The following GRIK4 variants were observed in gnomAD, a reference collection of about 807,000 sequenced individuals.
GRIK4 encodes the protein glutamate ionotropic receptor kainate type subunit 4, also known as glutamate receptor ionotropic, kainate 4.
Under a neutral mutation model 104.9 loss-of-function variants are expected in GRIK4, and 40 were observed. The ratio of observed to expected loss-of-function variants is 0.38; its 90% confidence interval spans 0.30 to 0.50. The LOEUF (loss-of-function observed/expected upper bound fraction) is 0.50, where lower values mean the gene tolerates loss of function less well. GRIK4 is among the 20% of genes least tolerant of loss of function. GRIK4 has a pLI of 0.93. For synonymous variants in GRIK4, 485 were observed against 524.9 expected (o/e 0.92, Z 1.04); for missense variants, 1,047 against 1,308.1 (o/e 0.80, Z 3.08).
intron 3 of GRIK4, among the ~76,000 whole-genome samples, chr11:120,797,427 CTTCA>C (rs1225130263): frequency 6.6e-6 from 1 of 152,208 alleles, no homozygotes; most frequent in Non-Finnish European, 1.5e-5. Context: ...AGCTGCTCTC[CTTCA>C]TTCATCTGGT....
chr11:120,663,114 G>T (rs1404302316), intron 3 of GRIK4, among the ~76,000 whole-genome samples: 1 of 152,180 alleles, frequency 6.6e-6, no homozygotes, highest in Non-Finnish European at 1.5e-5. Flanking sequence ...CTGAAAATGT[G>T]TTTGGATTTT....
At chr11:120,621,784 C>T (rs188308289) in intron 1 of GRIK4, among the ~76,000 whole-genome samples, 11 of 152,248 alleles carry the variant, frequency 7.2e-5, no homozygotes, top group Admixed American at 6.5e-4. Flanking sequence ...TACTGTCATC[C>T]GTAGAGACTT....
intron 3 of GRIK4, among the ~76,000 whole-genome samples, chr11:120,690,285 G>A (rs10790402): frequency 0.53 from 80,852 of 152,052 alleles, 22,419 homozygotes; most frequent in African/African-American, 0.69. Flanking sequence ...TAAGATGTTT[G>A]TGGGTAGTGT....
intron 19 of GRIK4, among the ~76,000 whole-genome samples, chr11:120,979,800 C>T (rs542505875): frequency 3.3e-5 from 5 of 152,086 alleles, no homozygotes; most frequent in African/African-American, 7.2e-5. Flanking sequence ...AAGAGGAATG[C>T]GAGACCCTCT....
chr11:120,968,121 G>A (rs900674423), intron 19 of GRIK4, among the ~76,000 whole-genome samples: 5 of 152,218 alleles, frequency 3.3e-5, no homozygotes, highest in African/African-American at 1.2e-4. Flanking sequence ...TCGAAAGGAT[G>A]AGCAAATGTT....
intron 13 of GRIK4, among the ~76,000 whole-genome samples, chr11:120,921,718 T>A (rs956581148): frequency 3.3e-5 from 5 of 152,066 alleles, no homozygotes; most frequent in Admixed American, 3.3e-4. Flanking sequence ...AATTTAAGCA[T>A]CCCTTGCCCT....
At chr11:120,573,832 C>T (rs577021889) in intron 1 of GRIK4, among the ~76,000 whole-genome samples, 20 of 152,296 alleles carry the variant, frequency 1.3e-4, no homozygotes, top group Admixed American at 3.9e-4. Flanking sequence ...CTGGAGGTGG[C>T]CTGGGCTTAC....
At chr11:120,660,807 C>G (rs895547809) in intron 3 of GRIK4, among the ~76,000 whole-genome samples, 2 of 152,090 alleles carry the variant, frequency 1.3e-5, no homozygotes, top group African/African-American at 4.8e-5. Flanking sequence ...GTGCTATGTC[C>G]ACAACTTGGA....
At chr11:120,563,804 A>G (rs916483225) in intron 1 of GRIK4, among the ~76,000 whole-genome samples, 1 of 152,110 alleles carries the variant, frequency 6.6e-6, no homozygotes, top group Non-Finnish European at 1.5e-5. Flanking sequence ...AGGGCTCTGG[A>G]ATCTCCACCT....
intron 1 of GRIK4, among the ~76,000 whole-genome samples, chr11:120,630,404 G>T (rs1949319451): frequency 6.6e-6 from 1 of 152,268 alleles, no homozygotes; most frequent in Non-Finnish European, 1.5e-5. Context: ...TCTTTGGGTT[G>T]CACGTGCTCC....
At chr11:120,653,995 G>C (rs887021937) in intron 2 of GRIK4, among the ~76,000 whole-genome samples, 2 of 152,146 alleles carry the variant, frequency 1.3e-5, no homozygotes, top group African/African-American at 4.8e-5. Context: ...AATAGATGGG[G>C]AATTTCTGTT....
chr11:120,547,347 C>T (rs1271684242), intron 1 of GRIK4, among the ~76,000 whole-genome samples: 3 of 152,230 alleles, frequency 2.0e-5, no homozygotes, highest in African/African-American at 4.8e-5. Flanking sequence ...GCCCCTAGCA[C>T]GCAGTGACCT....
At chr11:120,718,843 C>T (rs182038676) in intron 3 of GRIK4, among the ~76,000 whole-genome samples, 36 of 152,300 alleles carry the variant, frequency 2.4e-4, no homozygotes, top group Non-Finnish European at 4.3e-4. Context: ...AACCCTTTCC[C>T]GTCGTACTTG....
chr11:120,741,833 C>T (rs558339147), intron 3 of GRIK4, among the ~76,000 whole-genome samples: 4 of 152,310 alleles, frequency 2.6e-5, no homozygotes, highest in Admixed American at 6.5e-5. Flanking sequence ...TCATTCATTC[C>T]GACCAGCAAA....
intron 1 of GRIK4, among the ~76,000 whole-genome samples, chr11:120,616,275 G>A (rs1949112552): frequency 6.6e-6 from 1 of 152,098 alleles, no homozygotes; most frequent in African/African-American, 2.4e-5. Flanking sequence ...TGTAGAATGG[G>A]CCATGATGGA....
chr11:120,767,568 A>G (rs1323708463), intron 3 of GRIK4, among the ~76,000 whole-genome samples: 2 of 151,462 alleles, frequency 1.3e-5, no homozygotes, highest in African/African-American at 4.9e-5. Context: ...CCATTTATTT[A>G]TTTTTGCTTT....
At chr11:120,753,529 T>C (rs1951598616) in intron 3 of GRIK4, among the ~76,000 whole-genome samples, 1 of 152,150 alleles carries the variant, frequency 6.6e-6, no homozygotes, top group Non-Finnish European at 1.5e-5. Context: ...CCTATGTAGA[T>C]TTTAGGAGAC....
chr11:120,683,515 T>A (rs1488446554), intron 3 of GRIK4, among the ~76,000 whole-genome samples: 1 of 151,636 alleles, frequency 6.6e-6, no homozygotes, highest in East Asian at 1.9e-4. Context: ...GAAGAAGAGG[T>A]CCCAGGTGGC....
chr11:120,783,738 T>C (rs910698219), intron 3 of GRIK4, among the ~76,000 whole-genome samples: 3 of 152,166 alleles, frequency 2.0e-5, no homozygotes, highest in African/African-American at 7.2e-5. Flanking sequence ...ACTAAGCATC[T>C]CTTTCAGGCA....
Sources: allele counts gnomAD v4.1 joint callset (sites outside exome capture counted in the v4.1 genomes callset), GRCh38; gene constraint gnomAD v4.1.1; transcripts MANE v1.5; gene names NCBI Gene and HGNC (gene_info 2026-07-23, HGNC 2026-07-21).